ADK: variants seen among roughly 807,000 people sequenced by gnomAD.
ADK encodes adenosine kinase, also known as N6,N6-dimethyladenosine kinase.
Under a neutral mutation model 44.7 loss-of-function variants are expected in ADK, and 24 were observed. The observed-to-expected ratio is 0.54, with a 90% CI of 0.39 to 0.76. The LOEUF (loss-of-function observed/expected upper bound fraction) is 0.76, where lower values mean the gene tolerates loss of function less well. ADK is among the 30% of genes least tolerant of loss of function. ADK has a pLI of 0.00. For synonymous variants in ADK, 128 were observed against 142.6 expected (o/e 0.90, Z 0.73); for missense variants, 321 against 425.1 (o/e 0.76, Z 2.15).
At chr10:74,585,440 A>AC (rs1458976104) in intron 7 of ADK, among the ~76,000 whole-genome samples, 1 of 152,250 alleles carries the variant, frequency 6.6e-6, no homozygotes, top group Non-Finnish European at 1.5e-5. Context: ...TGACTGAGAA[A>AC]CTGAGTAATA....
At chr10:74,200,905 T>C (rs1045225002) in intron 2 of ADK, 67 bp downstream of exon 2, 10 of 1,106,420 alleles carry the variant, frequency 9.0e-6, no homozygotes, top group South Asian at 1.3e-5. Context: ...ATGAAAACTT[T>C]AGAAGTGAAT....
intron 9 of ADK, among the ~76,000 whole-genome samples, chr10:74,661,572 C>G (rs11001099): frequency 0.24 from 36,689 of 152,070 alleles, 5,641 homozygotes; most frequent in East Asian, 0.69. Context: ...TTTTGCGTGG[C>G]TTTCAAAGTC....
At chr10:74,370,035 T>G (rs1842611042) in intron 4 of ADK, among the ~76,000 whole-genome samples, 1 of 152,198 alleles carries the variant, frequency 6.6e-6, no homozygotes, top group Non-Finnish European at 1.5e-5. Flanking sequence ...TTCTATCACA[T>G]AAATAATAGG....
chr10:74,634,408 C>T (rs888517421), intron 9 of ADK, among the ~76,000 whole-genome samples: 3 of 151,916 alleles, frequency 2.0e-5, no homozygotes, highest in African/African-American at 7.3e-5. Context: ...TTAGTGGAGA[C>T]GGGGTTTCAC....
rs150431022 is a variant in ADK at position 74,635,875 on chromosome 10, G to A, written c.878-34308G>A. The stretch of plus-strand genomic sequence containing the variant: ...AAGGTAGAAGAATTGTATGAGGCCA[G>A]GGATTGGAGACCAACCTGGGCAACA... On this transcript the variant is annotated intron_variant, in intron 9 of 10. Coordinates refer to ENST00000539909, the MANE Select transcript of ADK (RefSeq NM_006721.4). Among the ~76,000 whole-genome samples, 332 of 151,550 alleles carry A rather than the reference G, an allele frequency of 2.2e-3. 1 individual carries two copies. The highest frequency in any genetic ancestry group is 7.7e-3 in the African/African-American group (317 of 41,202).
chr10:74,290,075 C>T (rs1020236834), intron 3 of ADK, among the ~76,000 whole-genome samples: 4 of 77,848 alleles, frequency 5.1e-5, no homozygotes, highest in Non-Finnish European at 9.8e-5. Flanking sequence ...AAACTACTCA[C>T]GCGCACACAC....
chr10:74,328,106 A>C (rs1841082354), intron 4 of ADK, among the ~76,000 whole-genome samples: 1 of 152,012 alleles, frequency 6.6e-6, no homozygotes, highest in South Asian at 2.1e-4. Flanking sequence ...ACGGGGTTTC[A>C]CCATGTTGCC....
chr10:74,299,756 T>C (rs1839938385), intron 3 of ADK, among the ~76,000 whole-genome samples: 1 of 151,776 alleles, frequency 6.6e-6, no homozygotes, highest in Non-Finnish European at 1.5e-5. Context: ...TTTGAATCTA[T>C]GATTTATTAT....
intron 4 of ADK, among the ~76,000 whole-genome samples, chr10:74,352,924 T>A (rs1348360224): frequency 9.9e-5 from 15 of 152,168 alleles, no homozygotes. Flanking sequence ...ACAGTTGCTG[T>A]TGAGGTTGTG....
intron 3 of ADK, among the ~76,000 whole-genome samples, chr10:74,263,795 G>A (rs1330598802): frequency 6.6e-6 from 1 of 151,978 alleles, no homozygotes; most frequent in African/African-American, 2.4e-5. Context: ...TCGCTTTTTC[G>A]TGTAACATTG....
intron 6 of ADK, among the ~76,000 whole-genome samples, chr10:74,407,097 C>G (rs565541939): frequency 1.3e-5 from 2 of 151,766 alleles, no homozygotes; most frequent in Non-Finnish European, 2.9e-5. Context: ...ACTGGAACTG[C>G]AGGAGTGCAC....
chr10:74,181,836 G>A (rs1447046187), intron 1 of ADK, among the ~76,000 whole-genome samples: 2 of 152,126 alleles, frequency 1.3e-5, no homozygotes, highest in Non-Finnish European at 1.5e-5. Context: ...TTGGGTTTGC[G>A]CCAGGGAAGA....
chr10:74,484,798 G>C (rs1016351961), intron 6 of ADK, among the ~76,000 whole-genome samples: 15 of 152,182 alleles, frequency 9.9e-5, no homozygotes, highest in African/African-American at 3.6e-4. Context: ...TAAGGAAATG[G>C]TTGATTATTC....
At chr10:74,553,205 T>TTC (rs1564788635) in intron 7 of ADK, among the ~76,000 whole-genome samples, 1 of 128,286 alleles carries the variant, frequency 7.8e-6, no homozygotes, top group South Asian at 2.9e-4. Context: ...TTTTTTTTTT[T>TTC]TTTTTTTTTT....
chr10:74,704,998 A>G (rs544979713), intron 10 of ADK, among the ~76,000 whole-genome samples: 4 of 152,362 alleles, frequency 2.6e-5, no homozygotes, highest in South Asian at 4.1e-4. Flanking sequence ...TTTAAAATAC[A>G]TCATTCTATT....
At chr10:74,237,720 T>TA (rs1219685815) in intron 3 of ADK, among the ~76,000 whole-genome samples, 1 of 152,274 alleles carries the variant, frequency 6.6e-6, no homozygotes, top group Middle Eastern at 3.4e-3. Flanking sequence ...AATGTTGTAT[T>TA]AGCAGCCATG....
chr10:74,685,565 A>G (rs1474307159), intron 10 of ADK, among the ~76,000 whole-genome samples: 3 of 152,234 alleles, frequency 2.0e-5, no homozygotes, highest in African/African-American at 7.2e-5. Flanking sequence ...TTGCTCTTCT[A>G]ATTTTTCTAA....
chr10:74,173,875 T>C (rs575195759), intron 1 of ADK, among the ~76,000 whole-genome samples: 4 of 152,318 alleles, frequency 2.6e-5, no homozygotes, highest in African/African-American at 7.2e-5. Flanking sequence ...TTAACTATTA[T>C]GATAATAACA....
intron 4 of ADK, among the ~76,000 whole-genome samples, chr10:74,354,555 A>T (rs1842073126): frequency 6.6e-6 from 1 of 152,218 alleles, no homozygotes; most frequent in African/African-American, 2.4e-5. Flanking sequence ...GATTATTTAG[A>T]GGAATATATC....
Sources: gnomAD v4.1 joint callset for allele counts (sites outside exome capture counted in the v4.1 genomes callset) on GRCh38, gnomAD v4.1.1 for gene constraint, MANE v1.5 for transcripts, NCBI Gene and HGNC (gene_info 2026-07-23, HGNC 2026-07-21) for gene names.